Variants in TENM3 observed in about 807,000 individuals in gnomAD.
TENM3 encodes the protein teneurin transmembrane protein 3.
A neutral mutation model predicts 255.1 loss-of-function variants in TENM3; 63 were observed. That is an observed-to-expected ratio of 0.25 (90% CI 0.20 to 0.30). TENM3 has a LOEUF of 0.30. TENM3 is among the 10% of genes least tolerant of loss of function. TENM3 has a pLI of 1.00. For missense variants in TENM3, 2,929 were observed against 3,461.1 expected (o/e 0.85, Z 3.86); for synonymous variants, 1,306 against 1,322.3 (o/e 0.99, Z 0.27).
the TENM3 span, among the ~76,000 whole-genome samples, chr4:181,684,262 C>CTAA: frequency 5.3e-5 from 8 of 152,114 alleles, no homozygotes; most frequent in Non-Finnish European, 1.2e-4. Flanking sequence ...GCCGAAAGCC[C>CTAA]TAATTTTTTA....
chr4:181,736,857 G>T, the TENM3 span, among the ~76,000 whole-genome samples: 1 of 152,106 alleles, frequency 6.6e-6, no homozygotes, highest in Non-Finnish European at 1.5e-5. Flanking sequence ...AATCTTAGGG[G>T]AAGAGGCGAT....
chr4:181,972,971 C>A, the TENM3 span, among the ~76,000 whole-genome samples: 7 of 152,002 alleles, frequency 4.6e-5, no homozygotes, highest in African/African-American at 4.8e-5. Flanking sequence ...GTTAAGCAGA[C>A]CTTGAGGTAT....
chr4:181,694,194 T>C, the TENM3 span, among the ~76,000 whole-genome samples: 2 of 152,204 alleles, frequency 1.3e-5, no homozygotes, highest in Non-Finnish European at 2.9e-5. Flanking sequence ...TGAAATAAGT[T>C]GGTTTCTGAC....
chr4:182,117,334 G>C, the TENM3 span, among the ~76,000 whole-genome samples: 5 of 152,148 alleles, frequency 3.3e-5, no homozygotes, highest in Non-Finnish European at 7.4e-5. Context: ...TATTGACAAA[G>C]GCACGGATGA....
At chr4:181,468,889 A>G in the TENM3 span, among the ~76,000 whole-genome samples, 1 of 152,088 alleles carries the variant, frequency 6.6e-6, no homozygotes, top group East Asian at 1.9e-4. Flanking sequence ...CATTTTACTA[A>G]CCTCTTTTGA....
chr4:181,673,743 C>G, the TENM3 span, among the ~76,000 whole-genome samples: 1 of 151,916 alleles, frequency 6.6e-6, no homozygotes, highest in African/African-American at 2.4e-5. Context: ...GGGTAGTTAT[C>G]GTAACTTCAT....
At chr4:181,582,055 A>G in the TENM3 span, among the ~76,000 whole-genome samples, 1 of 152,154 alleles carries the variant, frequency 6.6e-6, no homozygotes, top group African/African-American at 2.4e-5. Flanking sequence ...TACTTCTGTC[A>G]AGCAGTTAAT....
chr4:181,930,677 T>A, the TENM3 span, among the ~76,000 whole-genome samples: 1 of 152,152 alleles, frequency 6.6e-6, no homozygotes, highest in Admixed American at 6.6e-5. Flanking sequence ...GAGGCCAGCA[T>A]CATCCTGATA....
At chr4:181,544,041 A>G in the TENM3 span, among the ~76,000 whole-genome samples, 1 of 152,222 alleles carries the variant, frequency 6.6e-6, no homozygotes, top group Non-Finnish European at 1.5e-5. Context: ...AAGAAAGAGA[A>G]TAATCAATGA....
chr4:182,166,109 T>C (rs1751699893), intron 1 of TENM3, among the ~76,000 whole-genome samples: 1 of 152,208 alleles, frequency 6.6e-6, no homozygotes, highest in Non-Finnish European at 1.5e-5. Context: ...TGTGCGTTTA[T>C]GTATGTTGAC....
intron 3 of TENM3, among the ~76,000 whole-genome samples, chr4:182,547,827 A>G (rs1490080314): frequency 6.6e-6 from 1 of 152,166 alleles, no homozygotes; most frequent in Non-Finnish European, 1.5e-5. Flanking sequence ...ATGTTTTATC[A>G]CTACAGATAT....
chr4:182,198,459 C>A (rs1483568331), intron 1 of TENM3, among the ~76,000 whole-genome samples: 1 of 152,236 alleles, frequency 6.6e-6, no homozygotes, highest in Non-Finnish European at 1.5e-5. Context: ...GAGCGACACT[C>A]ACATCAGGAT....
chr4:181,810,814 G>A, the TENM3 span, among the ~76,000 whole-genome samples: 1 of 152,098 alleles, frequency 6.6e-6, no homozygotes, highest in Non-Finnish European at 1.5e-5. Context: ...TATATGCAAA[G>A]CCAGGGACAG....
intron 12 of TENM3, among the ~76,000 whole-genome samples, chr4:182,701,210 C>CTGTTTTTTTT (rs1757832262): frequency 2.6e-5 from 1 of 38,644 alleles, no homozygotes; most frequent in African/African-American, 1.2e-4. Flanking sequence ...CAACTCTTGA[C>CTGTTTTTTTT]TTTTTTTTTT....
intron 1 of TENM3, among the ~76,000 whole-genome samples, chr4:182,310,246 A>C (rs1298809602): frequency 1.3e-5 from 2 of 151,960 alleles, no homozygotes; most frequent in African/African-American, 2.4e-5. Flanking sequence ...TTTTTAATTG[A>C]GATGGGATTT....
chr4:182,717,553 T>A (rs565099576), intron 13 of TENM3, among the ~76,000 whole-genome samples: 1 of 152,294 alleles, frequency 6.6e-6, no homozygotes, highest in Non-Finnish European at 1.5e-5. Context: ...CAGCTCCAGG[T>A]ACCAAATAGA....
chr4:182,713,888 C>T (rs1044162547), intron 12 of TENM3, among the ~76,000 whole-genome samples, 199 bp from the exon 13 acceptor site: 2 of 152,120 alleles, frequency 1.3e-5, no homozygotes, highest in African/African-American at 2.4e-5. Context: ...AGTGGTGTCT[C>T]AAGGGTCAGG....
rs182241680 is a variant in TENM3, at chr4:182,426,091, C to T, written c.511+79162C>T. ...ATAATGGCTTATAATGCATTTCTTC[C>T]CAAAACGTTCTAAACATAACTTGTT... On this transcript the variant is annotated intron_variant, in intron 3 of 27. Coordinates refer to ENST00000511685, the MANE Select transcript of TENM3 (RefSeq NM_001080477.4). 4.6e-5 allele frequency among the ~76,000 whole-genome samples: 7 copies of T among 151,050 alleles called. No homozygotes were observed. In the East Asian group the frequency reaches 1.4e-3, roughly 29 times the overall value.
At chr4:181,495,902 TAAA>T in the TENM3 span, among the ~76,000 whole-genome samples, 75 of 116,846 alleles carry the variant, frequency 6.4e-4, no homozygotes, top group African/African-American at 2.3e-3. Context: ...AGAGACAAAT[TAAA>T]AAAAAAAAAA....
Sources: gnomAD v4.1 joint callset for allele counts (sites outside exome capture counted in the v4.1 genomes callset) on GRCh38, gnomAD v4.1.1 for gene constraint, MANE v1.5 for transcripts, NCBI Gene and HGNC (gene_info 2026-07-23, HGNC 2026-07-21) for gene names.